Variants in AHCYL2 observed in about 807,000 individuals in gnomAD.
AHCYL2 encodes the protein adenosylhomocysteinase like 2, also known as S-adenosylhomocysteine hydrolase-like protein 2.
Under a neutral mutation model 81.4 loss-of-function variants are expected in AHCYL2, and 28 were observed. That is an observed-to-expected ratio of 0.34 (90% CI 0.25 to 0.47). The LOEUF (loss-of-function observed/expected upper bound fraction) is 0.47. Among genes scored for constraint, AHCYL2 ranks in the 20% least tolerant of loss-of-function variants. AHCYL2 has a pLI of 1.00. For synonymous variants in AHCYL2, 272 were observed against 290.2 expected, an observed-to-expected ratio of 0.94 and a Z score of 0.64; for missense variants, 551 against 785.1, an observed-to-expected ratio of 0.70 and a Z score of 3.56.
rs537226077 is a variant in AHCYL2 at position 129,228,020 on chromosome 7, A to G, written c.363+2581A>G. On this transcript the variant is annotated intron_variant, in intron 1 of 16. Transcript: ENST00000325006. ...TCCCTAAGTTGAAAGTCATCTCACC[A>G]AGGAACTGCAGTGTGACATTTTGAT... Among the ~76,000 whole-genome samples, 48 of 152,332 alleles carry G rather than the reference A, an allele frequency of 3.2e-4. 1 individual carries two copies. Among genetic ancestry groups the G allele is most frequent in the South Asian group, 2.7e-3 (13 of 4,834 alleles).
At chr7:129,225,993 C>A (rs1358097486) in intron 1 of AHCYL2, among the ~76,000 whole-genome samples, 2 of 152,132 alleles carry the variant, frequency 1.3e-5, no homozygotes, top group Non-Finnish European at 2.9e-5. Flanking sequence ...TCATTTCCAG[C>A]GACTGCGATA....
chr7:129,381,745 C>T (rs948528167), intron 2 of AHCYL2, among the ~76,000 whole-genome samples: 1 of 151,976 alleles, frequency 6.6e-6, no homozygotes, highest in African/African-American at 2.4e-5. Flanking sequence ...TTAGGGGTAT[C>T]CCACTGTCCT....
At chr7:129,312,476 A>G (rs1797691627) in intron 1 of AHCYL2, among the ~76,000 whole-genome samples, 2 of 152,046 alleles carry the variant, frequency 1.3e-5, no homozygotes, top group African/African-American at 4.8e-5. Flanking sequence ...TGGTGCCATC[A>G]TAGCTCACTG....
intron 1 of AHCYL2, among the ~76,000 whole-genome samples, chr7:129,379,229 G>A (rs960351754): frequency 1.3e-5 from 2 of 150,472 alleles, no homozygotes; most frequent in Non-Finnish European, 2.9e-5. Flanking sequence ...GCAGTGAGCC[G>A]AGATCGTGCC....
chr7:129,319,738 G>A (rs1797949369), intron 1 of AHCYL2, among the ~76,000 whole-genome samples: 3 of 152,130 alleles, frequency 2.0e-5, no homozygotes, highest in South Asian at 4.1e-4. Context: ...ATTCATTCAC[G>A]TTACAGCACG....
intron 1 of AHCYL2, among the ~76,000 whole-genome samples, chr7:129,256,268 T>C (rs532434820): frequency 6.6e-6 from 1 of 152,216 alleles, no homozygotes; most frequent in East Asian, 1.9e-4. Context: ...ATACATGCAA[T>C]AGTATAAAAA....
Position 129,225,304 on chromosome 7 carries a change from C to T in AHCYL2, c.228C>T (p.Ala76=), listed in dbSNP as rs1397506732. 1.1e-5 allele frequency: 17 copies of T among 1,478,290 alleles called. No individual in the cohort carries two copies. In the East Asian group the frequency reaches 5.0e-4, roughly 43 times the overall value. 91.6% of individuals were successfully genotyped at this position (1,478,290 alleles called of 1,614,324 possible). Residue 76 remains alanine, a synonymous_variant, in exon 1 of 17, where the codon GCC becomes GCT. Transcript: ENST00000325006. The stretch of plus-strand genomic sequence containing the variant: ...GGCCCGCCGCCGCTCTCAGCCCCGC[C>T]GCCGGGAAGGTGCCTCAGGCGTCGG... ...GSGPAAALSP[A]AGKVPQASAM...
At chr7:129,323,540 G>A (rs921256139) in intron 1 of AHCYL2, among the ~76,000 whole-genome samples, 2 of 152,106 alleles carry the variant, frequency 1.3e-5, no homozygotes, top group African/African-American at 2.4e-5. Context: ...CTCTTGTTGG[G>A]TTGAGTGTTC....
chr7:129,289,043 A>C (rs1028626894), intron 1 of AHCYL2, among the ~76,000 whole-genome samples: 3 of 152,062 alleles, frequency 2.0e-5, no homozygotes, highest in African/African-American at 7.2e-5. Context: ...TCGTCTTCCA[A>C]AGTGCTGGGA....
chr7:129,282,162 T>G (rs1275078680), intron 1 of AHCYL2, among the ~76,000 whole-genome samples: 1 of 152,202 alleles, frequency 6.6e-6, no homozygotes, highest in Non-Finnish European at 1.5e-5. Flanking sequence ...CTTATCTTGG[T>G]AAATTTTTTA....
chr7:129,360,394 G>A (rs1421997640), intron 1 of AHCYL2, among the ~76,000 whole-genome samples: 1 of 152,240 alleles, frequency 6.6e-6, no homozygotes, highest in Non-Finnish European at 1.5e-5. Flanking sequence ...GGGATTACAG[G>A]CGTGAGCCAC....
chr7:129,365,116 C>T (rs1371576232), intron 1 of AHCYL2, among the ~76,000 whole-genome samples: 1 of 152,152 alleles, frequency 6.6e-6, no homozygotes, highest in Non-Finnish European at 1.5e-5. Flanking sequence ...TGGAGACTAA[C>T]AAGGGGTAGC....
At chr7:129,280,281 T>A (rs1796386881) in intron 1 of AHCYL2, among the ~76,000 whole-genome samples, 1 of 147,858 alleles carries the variant, frequency 6.8e-6, no homozygotes, top group Non-Finnish European at 1.5e-5. Flanking sequence ...GCAGTTCTTC[T>A]GCCTCAGCCT....
intron 1 of AHCYL2, among the ~76,000 whole-genome samples, chr7:129,238,358 T>C (rs761463531): frequency 1.4e-4 from 21 of 152,202 alleles, no homozygotes; most frequent in Non-Finnish European, 2.5e-4. Context: ...TGACCGATGC[T>C]AGACTGTATT....
At chr7:129,407,221 G>A (rs975655275) in intron 10 of AHCYL2, among the ~76,000 whole-genome samples, 2 of 152,062 alleles carry the variant, frequency 1.3e-5, no homozygotes, top group Admixed American at 1.3e-4. Context: ...GTGTGGTGGT[G>A]CATGCCTGTG....
At chr7:129,276,580 G>A (rs560980859) in intron 1 of AHCYL2, among the ~76,000 whole-genome samples, 53 of 151,582 alleles carry the variant, frequency 3.5e-4, no homozygotes, top group African/African-American at 9.7e-4. Flanking sequence ...GTGAAATTCC[G>A]TCTCTACTAA....
At chr7:129,250,511 A>G (rs912405872) in intron 1 of AHCYL2, among the ~76,000 whole-genome samples, 1 of 152,184 alleles carries the variant, frequency 6.6e-6, no homozygotes, top group Non-Finnish European at 1.5e-5. Context: ...TGTCCAATGT[A>G]TGTGCCTTTA....
chr7:129,321,224 A>G (rs900432685), intron 1 of AHCYL2, among the ~76,000 whole-genome samples: 6 of 152,206 alleles, frequency 3.9e-5, no homozygotes, highest in Non-Finnish European at 8.8e-5. Flanking sequence ...ATAAAAATAC[A>G]CAGAAGATTC....
intron 1 of AHCYL2, among the ~76,000 whole-genome samples, chr7:129,290,575 G>T (rs902662217): frequency 6.6e-5 from 10 of 151,678 alleles, no homozygotes; most frequent in Admixed American, 2.0e-4. Flanking sequence ...GTGAGCTGAA[G>T]AAAGTGCAGT....
Sources: allele counts gnomAD v4.1 joint callset (sites outside exome capture counted in the v4.1 genomes callset), GRCh38; gene constraint gnomAD v4.1.1; transcripts MANE v1.5; gene names NCBI Gene and HGNC (gene_info 2026-07-23, HGNC 2026-07-21).